The following PCDH9 variants were observed in gnomAD, a reference collection of about 807,000 sequenced individuals.
PCDH9 encodes protocadherin 9, also known as protocadherin-9.
A neutral mutation model predicts 70.6 loss-of-function variants in PCDH9; 24 were observed. That is an observed-to-expected ratio of 0.34 (90% CI 0.25 to 0.48). The LOEUF is 0.48. Ranked by LOEUF, PCDH9 falls within the 20% of genes least tolerant of loss-of-function variation. PCDH9 has a pLI of 0.99. For missense variants in PCDH9, 1,281 were observed against 1,503.6 expected, an observed-to-expected ratio of 0.85 and a Z score of 2.45; for synonymous variants, 562 against 558.5, an observed-to-expected ratio of 1.01 and a Z score of -0.09.
chr13:66,437,200 G>C (rs962365746), intron 4 of PCDH9, among the ~76,000 whole-genome samples: 2 of 151,680 alleles, frequency 1.3e-5, no homozygotes, highest in African/African-American at 4.8e-5. Context: ...AAGGTCAGGA[G>C]ATCGAAACCA....
At chr13:66,813,022 G>A (rs1594093739) in intron 3 of PCDH9, among the ~76,000 whole-genome samples, 1 of 152,164 alleles carries the variant, frequency 6.6e-6, no homozygotes, top group East Asian at 1.9e-4. Flanking sequence ...GACAATCTGT[G>A]TAATTCCTCA....
chr13:67,139,300 T>G (rs2087313184), intron 2 of PCDH9, among the ~76,000 whole-genome samples: 1 of 152,234 alleles, frequency 6.6e-6, no homozygotes, highest in Non-Finnish European at 1.5e-5. Context: ...GCCATTTGAA[T>G]CTGTGAGCAG....
At chr13:66,315,016 G>A (rs1173272837) in intron 4 of PCDH9, among the ~76,000 whole-genome samples, 1 of 152,136 alleles carries the variant, frequency 6.6e-6, no homozygotes, top group Non-Finnish European at 1.5e-5. Flanking sequence ...TGGCAGGTGG[G>A]AGTCCAGATT....
intron 3 of PCDH9, among the ~76,000 whole-genome samples, chr13:66,735,427 A>G (rs1240529299): frequency 6.6e-6 from 1 of 152,238 alleles, no homozygotes; most frequent in Non-Finnish European, 1.5e-5. Context: ...ATACCATATC[A>G]CATACATTTA....
chr13:67,017,275 T>C (rs2084582323), intron 2 of PCDH9, among the ~76,000 whole-genome samples: 1 of 152,218 alleles, frequency 6.6e-6, no homozygotes, highest in Admixed American at 6.5e-5. Flanking sequence ...AAACCAAAAA[T>C]GCAATTTAAA....
chr13:67,000,592 GA>G (rs1365616909), intron 2 of PCDH9, among the ~76,000 whole-genome samples: 9 of 151,662 alleles, frequency 5.9e-5, no homozygotes, highest in African/African-American at 2.2e-4. Flanking sequence ...TCGAAAAAAA[GA>G]AAAAAGTTTT....
At chr13:67,170,034 A>G (rs2088236151) in intron 2 of PCDH9, among the ~76,000 whole-genome samples, 1 of 152,152 alleles carries the variant, frequency 6.6e-6, no homozygotes, top group Non-Finnish European at 1.5e-5. Flanking sequence ...TTCTTAAATC[A>G]CAGATACCTG....
At chr13:66,838,061 T>C (rs973324) in intron 3 of PCDH9, among the ~76,000 whole-genome samples, 146,316 of 152,290 alleles carry the variant, frequency 0.96, 70,560 homozygotes, top group East Asian at 1. Flanking sequence ...ATCCACTATA[T>C]CAAATTTTCC....
chr13:67,063,607 C>T (rs1366824859), intron 2 of PCDH9, among the ~76,000 whole-genome samples: 1 of 151,538 alleles, frequency 6.6e-6, no homozygotes, highest in African/African-American at 2.4e-5. Flanking sequence ...TGCCGATTTG[C>T]CAATGAGGTC....
At chr13:66,771,015 C>T (rs147124703) in intron 3 of PCDH9, among the ~76,000 whole-genome samples, 1 of 152,186 alleles carries the variant, frequency 6.6e-6, no homozygotes, top group Admixed American at 6.5e-5. Flanking sequence ...TACTGTGTTC[C>T]AGTATGGCTA....
chr13:66,868,537 G>GA (rs539304263), intron 3 of PCDH9, among the ~76,000 whole-genome samples: 6 of 151,690 alleles, frequency 4.0e-5, no homozygotes, highest in Admixed American at 6.6e-5. Flanking sequence ...TAAGAACTGA[G>GA]AAAAAAAATG....
In PCDH9 at chr13:66,843,282, C is replaced by T. The variant is rs377637667; in HGVS notation, c.3138+60222G>A. On this transcript the variant is annotated intron_variant, in intron 3 of 4. Transcript: ENST00000377865. ...CCAACATCACCAACAAAAATATCTGCCTTTACTAGTTAAAACTTTTCTAGA... is the reference window on the plus strand; with the variant it reads ...CCAACATCACCAACAAAAATATCTGTCTTTACTAGTTAAAACTTTTCTAGA... Among the ~76,000 whole-genome samples the T allele has an allele frequency of 6.6e-5, 10 of 152,192 alleles. 1 individual carries two copies. In the South Asian group the frequency reaches 2.1e-3, roughly 32 times the overall value.
At chr13:66,466,166 T>A (rs1566347394) in intron 4 of PCDH9, among the ~76,000 whole-genome samples, 1 of 151,916 alleles carries the variant, frequency 6.6e-6, no homozygotes, top group African/African-American at 2.4e-5. Context: ...TCTCTATCCC[T>A]TCTCTCTATT....
In PCDH9 at chr13:66,474,846, A is replaced by G. The variant is rs140539469; in HGVS notation, c.3340+156364T>C. ...CCAGAGTTCTTAAATTTTGGTCGCT[A>G]AGGTTTCTGTCCTTAGTACTAATGA... On this transcript the variant is annotated intron_variant, in intron 4 of 4. Transcript: ENST00000377865. Among the ~76,000 whole-genome samples the G allele has an allele frequency of 4.0e-3, 614 of 152,108 alleles. 3 individuals are homozygous for G. The highest frequency in any genetic ancestry group is 0.014 in the African/African-American group (590 of 41,526).
intron 3 of PCDH9, among the ~76,000 whole-genome samples, chr13:66,762,484 T>C (rs2079645274): frequency 6.6e-6 from 1 of 152,048 alleles, no homozygotes; most frequent in African/African-American, 2.4e-5. Flanking sequence ...GCTTATGATA[T>C]ATTTCTTTGC....
chr13:66,713,649 AT>A (rs2078828759), intron 3 of PCDH9, among the ~76,000 whole-genome samples: 2 of 143,988 alleles, frequency 1.4e-5, no homozygotes, highest in Non-Finnish European at 3.0e-5. Context: ...ATATATATAT[AT>A]ATAATGTACA....
intron 2 of PCDH9, among the ~76,000 whole-genome samples, chr13:67,008,309 T>C (rs907864032): frequency 6.6e-6 from 1 of 152,154 alleles, no homozygotes; most frequent in Non-Finnish European, 1.5e-5. Context: ...GGAAAAGAAC[T>C]GTATCACATT....
chr13:66,501,991 G>A (rs577136727), intron 4 of PCDH9, among the ~76,000 whole-genome samples: 1 of 152,168 alleles, frequency 6.6e-6, no homozygotes, highest in Non-Finnish European at 1.5e-5. Context: ...GCATCCTGAA[G>A]GTGATGTGAA....
intron 2 of PCDH9, among the ~76,000 whole-genome samples, chr13:67,004,510 T>C (rs2084309585): frequency 2.7e-5 from 4 of 148,576 alleles, no homozygotes. Flanking sequence ...CGAGCCGAGA[T>C]TGTGCCATTG....
Sources: allele counts gnomAD v4.1 joint callset (sites outside exome capture counted in the v4.1 genomes callset), GRCh38; gene constraint gnomAD v4.1.1; transcripts MANE v1.5; gene names NCBI Gene and HGNC (gene_info 2026-07-23, HGNC 2026-07-21).